Variants in LINGO2 observed in about 807,000 individuals in gnomAD.
The protein encoded by LINGO2 is leucine-rich repeat and immunoglobulin-like domain-containing nogo receptor-interacting protein 2.
A neutral mutation model predicts 30.6 loss-of-function variants in LINGO2; 14 were observed. The observed-to-expected ratio is 0.46, with a 90% CI of 0.30 to 0.72. LINGO2 has a LOEUF of 0.72. Ranked by LOEUF, LINGO2 falls within the 30% of genes least tolerant of loss-of-function variation. LINGO2 has a pLI of 0.07. For missense variants in LINGO2, 729 were observed against 751.7 expected, an observed-to-expected ratio of 0.97 and a Z score of 0.35; for synonymous variants, 317 against 288.5, an observed-to-expected ratio of 1.10 and a Z score of -1.00.
At chr9:28,036,562 G>C (rs900892944) in intron 4 of LINGO2, among the ~76,000 whole-genome samples, 4 of 152,164 alleles carry the variant, frequency 2.6e-5, no homozygotes, top group African/African-American at 9.7e-5. Context: ...GGCAAATATG[G>C]TTTCCATCAG....
chr9:28,550,811 T>C (rs1006735368), intron 1 of LINGO2, among the ~76,000 whole-genome samples: 6 of 151,886 alleles, frequency 4.0e-5, no homozygotes, highest in Non-Finnish European at 8.8e-5. Flanking sequence ...AATTCTTGGT[T>C]AAGAAATACA....
chr9:29,034,633 C>T, the LINGO2 span, among the ~76,000 whole-genome samples: 1 of 152,060 alleles, frequency 6.6e-6, no homozygotes, highest in East Asian at 1.9e-4. Context: ...TAATTTTGCT[C>T]TGAACACAAG....
chr9:27,968,157 C>T (rs1258784125), intron 5 of LINGO2, among the ~76,000 whole-genome samples: 1 of 152,044 alleles, frequency 6.6e-6, no homozygotes, highest in East Asian at 1.9e-4. Context: ...AAATGCAATA[C>T]TATTCTAAAA....
chr9:28,080,863 T>A (rs558979598), intron 4 of LINGO2: 1 of 152,316 alleles, frequency 6.6e-6, no homozygotes, highest in East Asian at 1.9e-4. Context: ...ACTTTCAGCT[T>A]TAATGGGAGG....
intron 2 of LINGO2, among the ~76,000 whole-genome samples, chr9:28,423,149 A>G: frequency 6.6e-6 from 1 of 152,234 alleles, no homozygotes; most frequent in East Asian, 1.9e-4. Flanking sequence ...CCACTAAACT[A>G]TATACTTAAA....
chr9:28,291,186 T>C (rs1823714840), intron 4 of LINGO2, among the ~76,000 whole-genome samples: 2 of 152,210 alleles, frequency 1.3e-5, no homozygotes, highest in South Asian at 4.1e-4. Flanking sequence ...ACTTGAATCT[T>C]AGTGTTGGGG....
chr9:28,104,889 C>G (rs537896591), intron 4 of LINGO2, among the ~76,000 whole-genome samples: 7 of 150,950 alleles, frequency 4.6e-5, no homozygotes, highest in African/African-American at 1.7e-4. Flanking sequence ...AAGGTAGAAT[C>G]CGGCCCCCAC....
the LINGO2 span, among the ~76,000 whole-genome samples, chr9:29,079,164 A>T: frequency 1.3e-5 from 2 of 151,908 alleles, no homozygotes; most frequent in Non-Finnish European, 2.9e-5. Flanking sequence ...ATGCTACGGT[A>T]GATGTGCTCT....
intron 2 of LINGO2, among the ~76,000 whole-genome samples, chr9:28,467,034 T>G (rs1013434830): frequency 3.5e-5 from 5 of 143,580 alleles, no homozygotes; most frequent in African/African-American, 1.3e-4. Flanking sequence ...CTCTTTTTTT[T>G]TGGGGGGGGG....
intron 4 of LINGO2, chr9:28,012,468 T>C (rs1193319372): frequency 6.6e-6 from 1 of 152,246 alleles, no homozygotes; most frequent in East Asian, 1.9e-4. Flanking sequence ...TAACCTTCTC[T>C]ACTGCCTTTC....
intron 4 of LINGO2, among the ~76,000 whole-genome samples, chr9:28,090,923 GACAA>G (rs1826062899): frequency 6.6e-6 from 1 of 152,066 alleles, no homozygotes; most frequent in African/African-American, 2.4e-5. Flanking sequence ...ACCAATAACA[GACAA>G]ACAGAGAGCC....
chr9:28,503,715 AAT>A, intron 1 of LINGO2, among the ~76,000 whole-genome samples: 1 of 152,032 alleles, frequency 6.6e-6, no homozygotes, highest in South Asian at 2.1e-4. Context: ...GAAGGGATAA[AAT>A]AGTCAGTAAA....
At chr9:28,371,659 T>A (rs1403381535) in intron 3 of LINGO2, among the ~76,000 whole-genome samples, 15 of 152,202 alleles carry the variant, frequency 9.9e-5, no homozygotes, top group Non-Finnish European at 1.9e-4. Context: ...TGTACCTTTA[T>A]CCAAGGGTGC....
At chr9:29,133,582 T>TAG in the LINGO2 span, among the ~76,000 whole-genome samples, 9 of 152,178 alleles carry the variant, frequency 5.9e-5, no homozygotes, top group Non-Finnish European at 1.2e-4. Context: ...TCCTGACCCC[T>TAG]AGTCCATCAT....
chr9:28,732,602 A>G, the LINGO2 span, among the ~76,000 whole-genome samples: 3 of 152,192 alleles, frequency 2.0e-5, no homozygotes, highest in Non-Finnish European at 4.4e-5. Flanking sequence ...AATTTGAAAA[A>G]GAAACAAAAG....
chr9:28,984,589 A>G, the LINGO2 span, among the ~76,000 whole-genome samples: 9 of 152,084 alleles, frequency 5.9e-5, no homozygotes, highest in Non-Finnish European at 1.2e-4. Flanking sequence ...AGGATAGGGG[A>G]AATAAAATGA....
chr9:28,673,757 A>C (rs990634779), upstream of LINGO2, among the ~76,000 whole-genome samples: 2 of 152,034 alleles, frequency 1.3e-5, no homozygotes, highest in Admixed American at 6.6e-5. Context: ...TTTCATAAGA[A>C]TTGGTAGATG....
At chr9:28,907,693 A>T in the LINGO2 span, among the ~76,000 whole-genome samples, 1 of 151,766 alleles carries the variant, frequency 6.6e-6, no homozygotes, top group Non-Finnish European at 1.5e-5. Context: ...TTTTGAAATG[A>T]GAAGGGGCCA....
chr9:28,637,261 C>T (rs1050830996), intron 1 of LINGO2, among the ~76,000 whole-genome samples: 8 of 152,102 alleles, frequency 5.3e-5, no homozygotes, highest in Non-Finnish European at 1.5e-5. Context: ...AGCGTGATGC[C>T]TCCAGCTTTG....
Sources: gnomAD v4.1 joint callset for allele counts (sites outside exome capture counted in the v4.1 genomes callset) on GRCh38, gnomAD v4.1.1 for gene constraint, MANE v1.5 for transcripts, NCBI Gene and HGNC (gene_info 2026-07-23, HGNC 2026-07-21) for gene names.